The following DNAH7 variants were observed in gnomAD, a reference collection of about 807,000 sequenced individuals.
The protein encoded by DNAH7 is axonemal beta dynein heavy chain 7.
DNAH7 carries 397 observed loss-of-function variants against 444.6 expected under a neutral mutation model. That is an observed-to-expected ratio of 0.89 (90% CI 0.82 to 0.97). The LOEUF (loss-of-function observed/expected upper bound fraction) is 0.97. DNAH7 is among the 50% of genes least tolerant of loss of function. The pLI is 0.00. For missense variants in DNAH7, 4,902 were observed against 4,800.8 expected (o/e 1.02, Z -0.62); for synonymous variants, 1,636 against 1,624.4 (o/e 1.01, Z -0.17).
Position 195,939,028 on chromosome 2 carries a change from C to G in DNAH7, c.3079-2236G>C, listed in dbSNP as rs187214944. On this transcript the variant is annotated intron_variant, in intron 19 of 64. Coordinates refer to ENST00000312428, the MANE Select transcript of DNAH7 (RefSeq NM_018897.3). Reference sequence around the variant, plus strand: ...TGCGACCTTAGATCATCTGCTTAATCTGAGTCCCTTTTTTATTATCTTGAA... The same window carrying G: ...TGCGACCTTAGATCATCTGCTTAATGTGAGTCCCTTTTTTATTATCTTGAA... Among the ~76,000 whole-genome samples, 16 of 152,298 alleles carry G rather than the reference C, an allele frequency of 1.1e-4. No individual in the cohort carries two copies. In the East Asian group the frequency reaches 3.1e-3, roughly 29 times the overall value.
intron 15 of DNAH7, among the ~76,000 whole-genome samples, chr2:195,976,791 C>T (rs867082463): frequency 2.0e-5 from 1 of 49,518 alleles, no homozygotes; most frequent in African/African-American, 4.4e-5. Context: ...GAGAGAGACT[C>T]TCTAATTATT....
At chr2:196,051,692 A>G (rs905623369) in intron 2 of DNAH7, among the ~76,000 whole-genome samples, 1 of 152,062 alleles carries the variant, frequency 6.6e-6, no homozygotes, top group Non-Finnish European at 1.5e-5. Flanking sequence ...GCGTGAACCC[A>G]GGAGGCGGAG....
At chr2:195,743,047 T>C (rs1030983876) in intron 63 of DNAH7, among the ~76,000 whole-genome samples, 1 of 152,188 alleles carries the variant, frequency 6.6e-6, no homozygotes, top group Non-Finnish European at 1.5e-5. Flanking sequence ...CAGGCAGAAG[T>C]TGGAAAGAGC....
intron 63 of DNAH7, among the ~76,000 whole-genome samples, chr2:195,743,617 G>A (rs979719275): frequency 5.9e-5 from 9 of 152,308 alleles, no homozygotes; most frequent in African/African-American, 1.7e-4. Context: ...CTGTTCTCAG[G>A]TGGGATCTAT....
At chr2:195,983,240 AC>A (rs1692692528) in intron 15 of DNAH7, among the ~76,000 whole-genome samples, 1 of 152,240 alleles carries the variant, frequency 6.6e-6, no homozygotes, top group East Asian at 1.9e-4. Flanking sequence ...TAGTTGTTTA[AC>A]ATTATTTTAT....
chr2:196,068,424 G>A (rs1250948748), intron 1 of DNAH7: 1 of 510,482 alleles, frequency 2.0e-6, no homozygotes, highest in Non-Finnish European at 3.5e-6. Flanking sequence ...TAGCACTCTG[G>A]GGGTGCTCTG....
intron 19 of DNAH7, among the ~76,000 whole-genome samples, chr2:195,953,127 C>G (rs1690384834): frequency 6.6e-6 from 1 of 151,976 alleles, no homozygotes; most frequent in African/African-American, 2.4e-5. Flanking sequence ...GTGTGGATGC[C>G]CTTTTTGTTG....
At chr2:195,966,928 T>G (rs538290433) in intron 17 of DNAH7, among the ~76,000 whole-genome samples, 239 of 152,274 alleles carry the variant, frequency 1.6e-3, no homozygotes, top group Middle Eastern at 6.8e-3. Flanking sequence ...ATCTTTTGAT[T>G]AGAGAAGTTA....
intron 5 of DNAH7, among the ~76,000 whole-genome samples, chr2:196,029,222 C>T (rs1371595473): frequency 6.6e-6 from 1 of 151,704 alleles, no homozygotes; most frequent in African/African-American, 2.4e-5. Flanking sequence ...TCAGAGTCTG[C>T]CACCATAAAG....
chr2:195,956,186 A>G (rs1272855436), intron 19 of DNAH7, among the ~76,000 whole-genome samples: 2 of 152,306 alleles, frequency 1.3e-5, no homozygotes, highest in African/African-American at 4.8e-5. Context: ...AAAGATATGC[A>G]TATTTCTATT....
chr2:196,020,782 T>C (rs1265248864), intron 8 of DNAH7, among the ~76,000 whole-genome samples: 1 of 152,150 alleles, frequency 6.6e-6, no homozygotes, highest in African/African-American at 2.4e-5. Context: ...AGCTAACTTT[T>C]GTATTTTCAG....
intron 58 of DNAH7, among the ~76,000 whole-genome samples, chr2:195,779,842 G>A (rs145884507): frequency 6.6e-6 from 1 of 152,072 alleles, no homozygotes; most frequent in African/African-American, 2.4e-5. Context: ...CCAGGCTCAG[G>A]CAATCCACTG....
At chr2:195,769,243 C>CT (rs1694728505) in intron 61 of DNAH7, among the ~76,000 whole-genome samples, 1 of 151,724 alleles carries the variant, frequency 6.6e-6, no homozygotes, top group Non-Finnish European at 1.5e-5. Flanking sequence ...CTTGTAATTT[C>CT]TTTTTAGTGA....
At chr2:196,065,408 A>C (rs2125905744) in intron 1 of DNAH7, among the ~76,000 whole-genome samples, 1 of 152,324 alleles carries the variant, frequency 6.6e-6, no homozygotes, top group Non-Finnish European at 1.5e-5. Flanking sequence ...AATCCAACTG[A>C]TTTATGGACA....
intron 12 of DNAH7, among the ~76,000 whole-genome samples, chr2:195,995,972 T>G (rs114219342): frequency 0.036 from 5,464 of 152,348 alleles, 137 homozygotes; most frequent in Non-Finnish European, 0.057. Flanking sequence ...AATCTGGAGA[T>G]CACTTTGGGT....
In DNAH7 at chr2:195,836,690, G is replaced by A. The variant is rs569969532; in HGVS notation, c.8946-2330C>T. Among the ~76,000 whole-genome samples, 4 of 152,032 alleles carry A rather than the reference G, an allele frequency of 2.6e-5. No homozygotes were observed. In the South Asian group the frequency reaches 8.3e-4, roughly 32 times the overall value. ...TCACTCTAAAGAGAGTGAGAGAAGG[G>A]AAATTAGAAAGAAATAAAAATATAA... On this transcript the variant is annotated intron_variant, in intron 47 of 64. Transcript: ENST00000312428.
intron 19 of DNAH7, among the ~76,000 whole-genome samples, chr2:195,956,604 T>C (rs1490841602): frequency 2.0e-5 from 3 of 151,746 alleles, no homozygotes; most frequent in Non-Finnish European, 2.9e-5. Flanking sequence ...TAAGCCAAGA[T>C]TGCACCACTG....
intron 15 of DNAH7, among the ~76,000 whole-genome samples, chr2:195,974,446 G>T (rs748196556): frequency 1.3e-5 from 2 of 152,086 alleles, no homozygotes; most frequent in African/African-American, 4.8e-5. Flanking sequence ...AGAAATATTT[G>T]AAATATCAGG....
At chr2:196,045,860 A>T (rs1273655523) in intron 5 of DNAH7, among the ~76,000 whole-genome samples, 1 of 152,138 alleles carries the variant, frequency 6.6e-6, no homozygotes, top group Non-Finnish European at 1.5e-5. Flanking sequence ...GCAACATATG[A>T]TAAATAGGAA....
Sources: allele counts gnomAD v4.1 joint callset (sites outside exome capture counted in the v4.1 genomes callset), GRCh38; gene constraint gnomAD v4.1.1; transcripts MANE v1.5; gene names NCBI Gene and HGNC (gene_info 2026-07-23, HGNC 2026-07-21).